The following STPG2 variants were observed in gnomAD, a reference collection of about 807,000 sequenced individuals.
The protein encoded by STPG2 is sperm tail PG-rich repeat containing 2, also known as sperm-tail PG-rich repeat-containing protein 2.
A neutral mutation model predicts 54.2 loss-of-function variants in STPG2; 56 were observed. The observed-to-expected ratio is 1.03, with a 90% CI of 0.83 to 1.29. STPG2 has a LOEUF of 1.29. Ranked by LOEUF, STPG2 falls within the 50% of genes most tolerant of loss-of-function variation. The pLI, the probability that STPG2 is intolerant of heterozygous loss-of-function variation, is 0.00. For missense variants in STPG2, 596 were observed against 544.9 expected (o/e 1.09, Z -0.93); for synonymous variants, 200 against 181.8 (o/e 1.10, Z -0.81).
At chr4:98,112,542 C>G (rs1327378140) in intron 3 of STPG2, among the ~76,000 whole-genome samples, 1 of 152,114 alleles carries the variant, frequency 6.6e-6, no homozygotes, top group Admixed American at 6.6e-5. Context: ...AATCCTAATA[C>G]AAAGACTAAC....
intron 8 of STPG2, among the ~76,000 whole-genome samples, chr4:97,906,569 A>G (rs1321311563): frequency 6.6e-6 from 1 of 152,206 alleles, no homozygotes; most frequent in Non-Finnish European, 1.5e-5. Flanking sequence ...ACCAAAAAAG[A>G]GAATTTTAGA....
intron 10 of STPG2, among the ~76,000 whole-genome samples, chr4:97,628,561 A>G (rs1721123941): frequency 6.6e-6 from 1 of 152,148 alleles, no homozygotes; most frequent in Non-Finnish European, 1.5e-5. Flanking sequence ...TTATTTTATC[A>G]CTGTGCTTAG....
intron 6 of STPG2, among the ~76,000 whole-genome samples, chr4:97,977,071 G>C (rs1734522795): frequency 6.6e-6 from 1 of 152,100 alleles, no homozygotes; most frequent in Non-Finnish European, 1.5e-5. Flanking sequence ...ATTATAGATT[G>C]ACCTTTTCTT....
At chr4:98,025,368 G>C in intron 5 of STPG2, 1 of 324,058 alleles carries the variant, frequency 3.1e-6, no homozygotes, top group Non-Finnish European at 6.0e-6. Flanking sequence ...GTGCTGCTGG[G>C]CCTGCAGGCC....
At chr4:97,720,816 C>T (rs1724426275) in intron 9 of STPG2, among the ~76,000 whole-genome samples, 1 of 151,926 alleles carries the variant, frequency 6.6e-6, no homozygotes, top group African/African-American at 2.4e-5. Context: ...GTTGTCAAGG[C>T]TGCCACACAC....
chr4:97,738,010 C>G (rs1725074684), intron 9 of STPG2, among the ~76,000 whole-genome samples: 1 of 152,172 alleles, frequency 6.6e-6, no homozygotes, highest in African/African-American at 2.4e-5. Context: ...AACAGCGGAT[C>G]TCTTGGCAGA....
intron 3 of STPG2, among the ~76,000 whole-genome samples, chr4:98,122,534 T>C (rs551959418): frequency 6.6e-5 from 10 of 152,000 alleles, no homozygotes; most frequent in Non-Finnish European, 8.8e-5. Flanking sequence ...ACCTTGCAAC[T>C]TGATCATGGT....
chr4:97,988,338 A>T (rs1328114060), intron 5 of STPG2, among the ~76,000 whole-genome samples: 2 of 151,958 alleles, frequency 1.3e-5, no homozygotes, highest in African/African-American at 4.8e-5. Flanking sequence ...TTTTAACCTT[A>T]TTATTTATTG....
intron 5 of STPG2, among the ~76,000 whole-genome samples, chr4:98,050,780 T>C (rs1030592084): frequency 8.1e-5 from 12 of 148,042 alleles, no homozygotes; most frequent in Admixed American, 7.4e-4. Flanking sequence ...TTGAGGCGGG[T>C]GGATCATGAG....
At chr4:97,441,735 T>C (rs1398705110) in intron 4 of STPG2, among the ~76,000 whole-genome samples, 2 of 152,064 alleles carry the variant, frequency 1.3e-5, no homozygotes, top group African/African-American at 4.8e-5. Context: ...GTCATAATTC[T>C]GGCTTCTGTA....
chr4:97,660,638 G>T (rs963152040), intron 10 of STPG2, among the ~76,000 whole-genome samples: 1 of 152,092 alleles, frequency 6.6e-6, no homozygotes, highest in Non-Finnish European at 1.5e-5. Flanking sequence ...CACACGCAAG[G>T]CAAGTATAAT....
chr4:97,443,882 A>G (rs924828200), intron 4 of STPG2, among the ~76,000 whole-genome samples: 1 of 152,338 alleles, frequency 6.6e-6, no homozygotes, highest in Admixed American at 6.5e-5. Flanking sequence ...GGTGAATTAG[A>G]GTTGGAGATA....
At chr4:97,454,577 G>GCCA in intron 4 of STPG2, among the ~76,000 whole-genome samples, 1 of 129,948 alleles carries the variant, frequency 7.7e-6, no homozygotes, top group Middle Eastern at 5.5e-3. Flanking sequence ...TTCAAAAGTT[G>GCCA]CCACTACTGG....
chr4:97,500,351 A>G (rs543162336), intron 4 of STPG2, among the ~76,000 whole-genome samples: 70 of 152,176 alleles, frequency 4.6e-4, no homozygotes, highest in Non-Finnish European at 4.6e-4. Flanking sequence ...GAGATGGGGA[A>G]GACTATTAAA....
In STPG2 at chr4:97,988,067, T is replaced by C. The variant is rs554059406; in HGVS notation, c.613-6749A>G. On this transcript the variant is annotated intron_variant, in intron 5 of 10. Transcript: ENST00000295268. ...ACACACACACACACACACACACACATATTACCTCTCTAACCTCATCTCCTA... is the reference window on the plus strand; with the variant it reads ...ACACACACACACACACACACACACACATTACCTCTCTAACCTCATCTCCTA... 2.2e-4 allele frequency among the ~76,000 whole-genome samples: 31 copies of C among 137,952 alleles called. 1 individual carries two copies. In the South Asian group the frequency reaches 4.3e-3, roughly 19 times the overall value. 90.5% of individuals were successfully genotyped at this position (137,952 alleles called of 152,430 possible). A position where few individuals can be genotyped will look rare whatever the true frequency, so the allele number is the denominator to read the frequency against.
intron 6 of STPG2, among the ~76,000 whole-genome samples, chr4:97,975,883 A>G (rs555379328): frequency 6.6e-6 from 1 of 152,304 alleles, no homozygotes; most frequent in Non-Finnish European, 1.5e-5. Context: ...TTTTGTAACT[A>G]GTCCTTCTGA....
chr4:97,655,078 C>T (rs1440705545), intron 10 of STPG2, among the ~76,000 whole-genome samples: 1 of 151,958 alleles, frequency 6.6e-6, no homozygotes, highest in Non-Finnish European at 1.5e-5. Context: ...ATTTTCACTA[C>T]TTTCTACTAT....
intron 9 of STPG2, among the ~76,000 whole-genome samples, chr4:97,737,850 A>C (rs549978846): frequency 6.6e-6 from 1 of 152,216 alleles, no homozygotes; most frequent in East Asian, 1.9e-4. Flanking sequence ...AGATTCAGGA[A>C]ATACAGAGAA....
chr4:97,988,029 C>T (rs1734881393), intron 5 of STPG2, among the ~76,000 whole-genome samples: 1 of 49,730 alleles, frequency 2.0e-5, no homozygotes, highest in South Asian at 8.1e-4. Context: ...CTGAATGTCA[C>T]ACACACACAC....
Sources: allele counts gnomAD v4.1 joint callset (sites outside exome capture counted in the v4.1 genomes callset), GRCh38; gene constraint gnomAD v4.1.1; transcripts MANE v1.5; gene names NCBI Gene and HGNC (gene_info 2026-07-23, HGNC 2026-07-21).